Variants in ERBB4 observed in about 807,000 individuals in gnomAD.
The protein encoded by ERBB4 is erb-b2 receptor tyrosine kinase 4, also known as receptor tyrosine-protein kinase erbB-4.
Under a neutral mutation model 158.0 loss-of-function variants are expected in ERBB4, and 42 were observed. The ratio of observed to expected loss-of-function variants is 0.27; its 90% CI spans 0.21 to 0.34. ERBB4 has a LOEUF of 0.34. ERBB4 is among the 10% of genes least tolerant of loss of function. The pLI, the probability that ERBB4 is intolerant of heterozygous loss-of-function variation, is 1.00. For missense variants in ERBB4, 1,333 were observed against 1,624.1 expected, an observed-to-expected ratio of 0.82 and a Z score of 3.08; for synonymous variants, 583 against 558.7, an observed-to-expected ratio of 1.04 and a Z score of -0.61.
rs528349630 is a variant in ERBB4 at position 211,606,115 on chromosome 2, T to C, written c.2301+13062A>G. ...TTTCTCTGTACAATAGACAAAGTAT[T>C]AAATAAAAGAATGATAATCTAATGT... On this transcript the variant is annotated intron_variant, in intron 19 of 27. Coordinates refer to ENST00000342788, the MANE Select transcript of ERBB4 (RefSeq NM_005235.3). 3.3e-5 allele frequency among the ~76,000 whole-genome samples: 5 copies of C among 152,230 alleles called. No individual in the cohort carries two copies. The South Asian group carries it at 8.3e-4, about 25-fold the overall frequency.
intron 1 of ERBB4, among the ~76,000 whole-genome samples, chr2:212,146,986 C>CTTTTTTTTTTTTT (rs34029473): frequency 1.3e-5 from 1 of 77,452 alleles, no homozygotes; most frequent in Non-Finnish European, 2.3e-5. Flanking sequence ...CATTGTTAGA[C>CTTTTTTTTTTTTT]TTTTTTTTTT....
intron 20 of ERBB4, among the ~76,000 whole-genome samples, chr2:211,490,306 T>A (rs2065307444): frequency 6.6e-6 from 1 of 151,998 alleles, no homozygotes; most frequent in East Asian, 1.9e-4. Flanking sequence ...AACTCATTAT[T>A]TCTTTCTTTA....
At chr2:211,670,279 G>A (rs910535475) in intron 14 of ERBB4, among the ~76,000 whole-genome samples, 2 of 152,120 alleles carry the variant, frequency 1.3e-5, no homozygotes, top group African/African-American at 4.8e-5. Context: ...CATAGTGGGA[G>A]CAATGTTTGG....
chr2:211,442,383 TATCTATCC>T (rs1219943451), intron 20 of ERBB4, among the ~76,000 whole-genome samples: 1 of 70,266 alleles, frequency 1.4e-5, no homozygotes, highest in Non-Finnish European at 2.8e-5. Flanking sequence ...TATAGACAGG[TATCTATCC>T]ATCCATCCAT....
intron 1 of ERBB4, among the ~76,000 whole-genome samples, chr2:212,422,957 A>C (rs1426886513): frequency 1.3e-5 from 2 of 152,196 alleles, no homozygotes; most frequent in African/African-American, 4.8e-5. Context: ...ATATTATGTG[A>C]AATACCACAG....
chr2:211,924,268 A>G (rs1268778246), intron 3 of ERBB4, among the ~76,000 whole-genome samples: 2 of 152,180 alleles, frequency 1.3e-5, no homozygotes, highest in Non-Finnish European at 2.9e-5. Flanking sequence ...AGGGGTTGGC[A>G]TGATAACATG....
At position 212,514,462 on chromosome 2, in the gene ERBB4, C is replaced by A. The variant is rs1691711801; in HGVS notation, c.82+23987G>T. ...TCAAATACATTAGTTGTCATGTATA[C>A]CCATGAAATATTATATACATACATC... On this transcript the variant is annotated intron_variant, in intron 1 of 27. Coordinates refer to ENST00000342788, the MANE Select transcript of ERBB4 (RefSeq NM_005235.3). Among the ~76,000 whole-genome samples, 3 of 152,184 alleles carry A rather than the reference C, an allele frequency of 2.0e-5. No homozygotes were observed. The South Asian group carries it at 6.2e-4, about 32-fold the overall frequency.
At chr2:211,564,973 A>G (rs916745834) in intron 19 of ERBB4, among the ~76,000 whole-genome samples, 2 of 152,190 alleles carry the variant, frequency 1.3e-5, no homozygotes, top group African/African-American at 4.8e-5. Flanking sequence ...CTAAAGTAAA[A>G]AAGAAGAAAT....
rs140574607 is a variant in ERBB4 at position 211,644,058 on chromosome 2, T to C, written c.1947-13464A>G. Among the ~76,000 whole-genome samples, 663 of 152,014 alleles carry C rather than the reference T, an allele frequency of 4.4e-3. 4 individuals are homozygous for C. The highest frequency in any genetic ancestry group is 0.016 in the African/African-American group (644 of 41,528). ...CCAAGTTTTCTAATTTCTGGATCCA[T>C]AGTAGATTGGAAGTAACCCAAGGAA... On this transcript the variant is annotated intron_variant, in intron 16 of 27. Transcript: ENST00000342788.
At chr2:212,369,066 G>A (rs1156768588) in intron 1 of ERBB4, among the ~76,000 whole-genome samples, 1 of 152,066 alleles carries the variant, frequency 6.6e-6, no homozygotes, top group East Asian at 1.9e-4. Flanking sequence ...CTAAAACAAA[G>A]GTTGCAAAAA....
chr2:211,556,063 C>A (rs955965939), intron 20 of ERBB4, among the ~76,000 whole-genome samples: 1 of 151,790 alleles, frequency 6.6e-6, no homozygotes, highest in African/African-American at 2.4e-5. Context: ...GCAATGACAA[C>A]AATAGGCTAA....
At chr2:211,655,178 T>G (rs956411699) in intron 16 of ERBB4, among the ~76,000 whole-genome samples, 1 of 152,016 alleles carries the variant, frequency 6.6e-6, no homozygotes. Context: ...ACATTGTAAT[T>G]GAGATTCTCA....
At chr2:212,172,047 C>T (rs1413375714) in intron 1 of ERBB4, among the ~76,000 whole-genome samples, 1 of 152,036 alleles carries the variant, frequency 6.6e-6, no homozygotes, top group African/African-American at 2.4e-5. Context: ...TACCTAGCAT[C>T]TCTAAGGAAT....
intron 20 of ERBB4, among the ~76,000 whole-genome samples, chr2:211,439,797 A>T (rs1435865143): frequency 6.6e-6 from 1 of 152,184 alleles, no homozygotes; most frequent in Non-Finnish European, 1.5e-5. Flanking sequence ...TGCAATCTTT[A>T]TGATGGAATG....
At chr2:211,456,189 C>A (rs185799483) in intron 20 of ERBB4, among the ~76,000 whole-genome samples, 4 of 152,236 alleles carry the variant, frequency 2.6e-5, no homozygotes, top group Admixed American at 1.3e-4. Context: ...CCGATAACTA[C>A]CTCACAGATT....
chr2:211,429,924 T>C (rs1288472754), intron 21 of ERBB4, among the ~76,000 whole-genome samples: 1 of 152,216 alleles, frequency 6.6e-6, no homozygotes, highest in East Asian at 1.9e-4. Context: ...TCAAGACAAG[T>C]GAAGCCATGT....
At chr2:211,850,956 T>C (rs2077706114) in intron 3 of ERBB4, among the ~76,000 whole-genome samples, 1 of 151,990 alleles carries the variant, frequency 6.6e-6, no homozygotes, top group Non-Finnish European at 1.5e-5. Flanking sequence ...CATTTGGACC[T>C]TGCAATTTGA....
At chr2:211,651,052 A>T (rs759717383) in intron 16 of ERBB4, among the ~76,000 whole-genome samples, 6 of 152,186 alleles carry the variant, frequency 3.9e-5, no homozygotes, top group Non-Finnish European at 8.8e-5. Context: ...TATATTAACC[A>T]GGGAGTACTT....
intron 3 of ERBB4, among the ~76,000 whole-genome samples, chr2:211,915,133 G>T (rs2079651336): frequency 6.6e-6 from 1 of 152,074 alleles, no homozygotes; most frequent in East Asian, 1.9e-4. Flanking sequence ...ATTTGTTTCA[G>T]TACTCTGGAC....
Sources: gnomAD v4.1 joint callset for allele counts (sites outside exome capture counted in the v4.1 genomes callset) on GRCh38, gnomAD v4.1.1 for gene constraint, MANE v1.5 for transcripts, NCBI Gene and HGNC (gene_info 2026-07-23, HGNC 2026-07-21) for gene names.